The following FCRL3 variants were observed in gnomAD, a reference collection of about 807,000 sequenced individuals.
FCRL3 encodes Fc receptor like 3.
A neutral mutation model predicts 75.0 loss-of-function variants in FCRL3; 89 were observed. That is an observed-to-expected ratio of 1.19 (90% CI 1.00 to 1.42). FCRL3 has a LOEUF of 1.42. Ranked by LOEUF, FCRL3 falls within the 40% of genes most tolerant of loss-of-function variation. The pLI is 0.00. For synonymous variants in FCRL3, 376 were observed against 348.5 expected (o/e 1.08, Z -0.88); for missense variants, 946 against 880.0 (o/e 1.07, Z -0.95).
At chr1:157,691,284 C>T (rs947746860) in intron 8 of FCRL3, among the ~76,000 whole-genome samples, 10 of 152,114 alleles carry the variant, frequency 6.6e-5, no homozygotes, top group Non-Finnish European at 1.2e-4. Context: ...ATAGAAAGCC[C>T]TTAATATCGA....
At chr1:157,693,684 T>G (rs969900609) in intron 8 of FCRL3, among the ~76,000 whole-genome samples, 1 of 151,904 alleles carries the variant, frequency 6.6e-6, no homozygotes. Flanking sequence ...ATTTTCTTTC[T>G]CTCCTTCCTT....
chr1:157,697,242 G>T lies in FCRL3; in HGVS notation c.742C>A (p.Pro248Thr). 6.2e-7 allele frequency: 1 copy of T among 1,607,738 alleles called. No homozygotes were observed. The highest frequency in any genetic ancestry group is 1.7e-5 in the Admixed American group (1 of 59,272). The stretch of plus-strand genomic sequence containing the variant: ...CCTGAGTCTTCAGTCCACATGGCAG[G>T]GATCTGGAGTCTGGGGGACCTGCTC... ...GWSRSPRLQI[P>T]AMWTEDSGSY... Residue 248 changes from proline (P) to threonine (T), a missense_variant, in exon 6 of 15, where the codon CCT becomes ACT. Transcript: ENST00000368184.
At chr1:157,682,610 TC>T (rs1208315663) in intron 11 of FCRL3, among the ~76,000 whole-genome samples, 2 of 152,194 alleles carry the variant, frequency 1.3e-5, no homozygotes, top group African/African-American at 2.4e-5. Flanking sequence ...AGGCAAAAAC[TC>T]ATATTTGACT....
At chr1:157,683,348 G>A in intron 10 of FCRL3, 104 bp from the exon 11 acceptor site, 1 of 1,407,246 alleles carries the variant, frequency 7.1e-7, no homozygotes, top group Non-Finnish European at 9.8e-7. Context: ...CTAGATCTAA[G>A]CTACGGAAAA....
At chr1:157,692,791 C>T (rs1189986655) in intron 8 of FCRL3, among the ~76,000 whole-genome samples, 1 of 152,100 alleles carries the variant, frequency 6.6e-6, no homozygotes, top group Non-Finnish European at 1.5e-5. Flanking sequence ...TTTCATATTG[C>T]TAATGCTTTT....
At chr1:157,695,990 C>T in intron 7 of FCRL3, 50 bp downstream of exon 7, 1 of 1,526,356 alleles carries the variant, frequency 6.6e-7, no homozygotes, top group Non-Finnish European at 8.8e-7. Context: ...GACAGAGAAC[C>T]TAAACCCTGG....
intron 8 of FCRL3, 30 bp from the exon 9 acceptor site, chr1:157,690,563 T>C (rs752227050): frequency 6.2e-7 from 1 of 1,609,894 alleles, no homozygotes; most frequent in Non-Finnish European, 8.5e-7. Flanking sequence ...TCACTGGCAG[T>C]TTTACTTAAG....
Position 157,696,327 on chromosome 1 carries a change from C to T in FCRL3, c.845G>A (p.Arg282Lys), listed in dbSNP as rs376853177. 4 of 1,613,494 alleles carry T rather than the reference C, an allele frequency of 2.5e-6. No individual in the cohort carries two copies. The highest frequency in any genetic ancestry group is 2.2e-5 in the East Asian group (1 of 44,878). ...TAGATTCACATTAGACACAGGGACTCCTGGGGGAACACAAGATGGCATGTG... is the reference window on the plus strand; with the variant it reads ...TAGATTCACATTAGACACAGGGACTTCTGGGGGAACACAAGATGGCATGTG... The part of the protein sequence containing the change: ...RSLRSQIRVQ[R>K]VPVSNVNLEI... The change falls in exon 7 of 15, where the codon AGA becomes AAA. Residue 282 changes from arginine (R) to lysine (K), a missense_variant and splice_region_variant. Physicochemically the swap from Arg to Lys is conservative, Grantham distance 26. Coordinates refer to ENST00000368184, the MANE Select transcript of FCRL3 (RefSeq NM_052939.4).
intron 10 of FCRL3, among the ~76,000 whole-genome samples, chr1:157,687,811 G>A (rs2101603057): frequency 6.6e-6 from 1 of 151,706 alleles, no homozygotes; most frequent in East Asian, 1.9e-4. Context: ...GAATGTGTGA[G>A]TTGAAAAACT....
rs778553895 is a variant in FCRL3, at chr1:157,696,047, G to T, written c.1125C>A (p.Thr375=). 1 of 1,607,990 alleles carries T rather than the reference G, an allele frequency of 6.2e-7. No individual in the cohort carries two copies. The highest frequency in any genetic ancestry group is 8.5e-7 in the Non-Finnish European group (1 of 1,177,098). The change falls in exon 7 of 15, where the codon ACC becomes ACA. Residue 375 remains threonine, a synonymous_variant. Transcript: ENST00000368184. ...AAAGGAATCGGAACTTACTTCTCAC[G>T]GTGACTCGAATCCACGTGCTGAGGA... The part of the protein sequence containing the change: ...SPILSTWIRV[T]VRIPVSHPVL...
intron 6 of FCRL3, chr1:157,696,556 C>T (rs536751054): frequency 9.1e-6 from 5 of 546,450 alleles, no homozygotes; most frequent in Non-Finnish European, 1.6e-5. Context: ...CCATAATCTC[C>T]ATAAATCCAA....
chr1:157,677,754 G>T lies in FCRL3; in HGVS notation c.*956C>A. ...AAAAAAAATTATCTACAACAATATG[G>T]TCTTTAACTTATAGTTAAAACTAAT... is the stretch of plus-strand genomic sequence containing the variant. On this transcript the variant is annotated 3_prime_UTR_variant, in exon 15 of 15. Coordinates refer to ENST00000368184, the MANE Select transcript of FCRL3 (RefSeq NM_052939.4). 1 of 510,144 alleles carries T rather than the reference G, an allele frequency of 2.0e-6. No homozygotes were observed. Among genetic ancestry groups the T allele is most frequent in the Non-Finnish European group, 2.5e-6 (1 of 396,274 alleles). 31.6% of individuals were successfully genotyped at this position (510,144 alleles called of 1,614,324 possible). A position where few individuals can be genotyped will look rare whatever the true frequency, so the allele number is the denominator to read the frequency against.
At chr1:157,695,259 G>A in intron 8 of FCRL3, 70 bp downstream of exon 8, 3 of 1,476,224 alleles carry the variant, frequency 2.0e-6, no homozygotes, top group South Asian at 1.3e-5. Flanking sequence ...AAATAGCCCA[G>A]TGGAGCTATT....
intron 7 of FCRL3, 163 bp downstream of exon 7, chr1:157,695,877 T>C (rs1655857123): frequency 7.2e-6 from 5 of 699,076 alleles, no homozygotes; most frequent in Non-Finnish European, 9.2e-6. Flanking sequence ...CTTGGATAGC[T>C]TTTAAATATC....
At position 157,682,450 on chromosome 1, in the gene FCRL3, C is replaced by T. The variant is rs572342525; in HGVS notation, c.1838+767G>A. ...GTGTAAGGAAGGGATCCAGTTTCAG[C>T]TTTCTACATATGGTTAGCCAGTTTT... On this transcript the variant is annotated intron_variant, in intron 11 of 14. Transcript: ENST00000368184. Among the ~76,000 whole-genome samples the T allele has an allele frequency of 5.3e-5, 8 of 152,250 alleles. No individual in the cohort carries two copies. The South Asian group carries it at 1.4e-3, about 28-fold the overall frequency.
chr1:157,687,747 C>G (rs1655262248), intron 10 of FCRL3, among the ~76,000 whole-genome samples: 1 of 151,446 alleles, frequency 6.6e-6, no homozygotes, highest in African/African-American at 2.4e-5. Flanking sequence ...CAAACATGGA[C>G]ATAAACATGG....
rs983147122 is a variant in FCRL3, at chr1:157,677,467, A to G, written c.*1243T>C. 4.1e-6 allele frequency: 4 copies of G among 985,452 alleles called. No individual in the cohort carries two copies. Among genetic ancestry groups the G allele is most frequent in the Middle Eastern group, 5.2e-4 (1 of 1,914 alleles). 61.0% of individuals were successfully genotyped at this position (985,452 alleles called of 1,614,324 possible). ...TAATATAATCTCAGTTGTCCCTAGGACTTGAGGTGTTCAGAGATATTTGGA... is the reference window on the plus strand; with the variant it reads ...TAATATAATCTCAGTTGTCCCTAGGGCTTGAGGTGTTCAGAGATATTTGGA... On this transcript the variant is annotated 3_prime_UTR_variant, in exon 15 of 15. Coordinates refer to ENST00000368184, the MANE Select transcript of FCRL3 (RefSeq NM_052939.4).
chr1:157,699,821 A>T, intron 2 of FCRL3, 109 bp from the exon 3 acceptor site: 4 of 1,224,756 alleles, frequency 3.3e-6, no homozygotes, highest in Non-Finnish European at 4.7e-6. Context: ...CTCCCTTTTT[A>T]TATCATCCAG....
At chr1:157,691,176 C>T (rs948283111) in intron 8 of FCRL3, among the ~76,000 whole-genome samples, 1 of 152,134 alleles carries the variant, frequency 6.6e-6, no homozygotes, top group African/African-American at 2.4e-5. Context: ...GAATGGAAAA[C>T]TGAAGTGAAC....
Sources: gnomAD v4.1 joint callset for allele counts (sites outside exome capture counted in the v4.1 genomes callset) on GRCh38, gnomAD v4.1.1 for gene constraint, MANE v1.5 for transcripts, NCBI Gene and HGNC (gene_info 2026-07-23, HGNC 2026-07-21) for gene names.